The following EML6 variants were observed in gnomAD, a reference collection of about 807,000 sequenced individuals.
EML6 encodes the protein EMAP like 6.
Under a neutral mutation model 240.1 loss-of-function variants are expected in EML6, and 154 were observed. The observed-to-expected ratio is 0.64, with a 90% CI of 0.56 to 0.73. EML6 has a LOEUF of 0.73. EML6 is among the 30% of genes least tolerant of loss of function. The pLI is 0.00. For missense variants in EML6, 2,964 were observed against 2,474.6 expected (o/e 1.20, Z -4.20); for synonymous variants, 1,148 against 899.0 (o/e 1.28, Z -4.95).
intron 25 of EML6, among the ~76,000 whole-genome samples, chr2:54,914,997 T>G (rs1356754765): frequency 1.3e-5 from 2 of 152,188 alleles, no homozygotes; most frequent in African/African-American, 4.8e-5. Flanking sequence ...GTAACCTGTC[T>G]GTGGGCCTCA....
Position 54,794,907 on chromosome 2 carries a change from A to G in EML6, c.198-18325A>G, listed in dbSNP as rs779788738. On this transcript the variant is annotated intron_variant, in intron 2 of 41. Transcript: ENST00000356458. ...GCCCTCATCTGTATGATGGCAACTGAAGACTTTCAGGATATTGATTACCTT... is the reference window on the plus strand; with the variant it reads ...GCCCTCATCTGTATGATGGCAACTGGAGACTTTCAGGATATTGATTACCTT... Among the ~76,000 whole-genome samples the G allele has an allele frequency of 1.1e-3, 162 of 152,262 alleles. No homozygotes were observed. The Middle Eastern group carries it at 0.014, about 13-fold the overall frequency.
In EML6 at chr2:54,859,633, A is replaced by G; in HGVS notation, c.1757A>G (p.His586Arg). ...QWVLSTGGAD[H>R]SVFQWRFIPE... Reference sequence around the variant, plus strand: ...GTGTTGAGCACAGGAGGGGCTGATCACTCAGTTTTCCAGTGGAGGTTTATT... The same window carrying G: ...GTGTTGAGCACAGGAGGGGCTGATCGCTCAGTTTTCCAGTGGAGGTTTATT... The change falls in exon 12 of 42, where the codon CAC becomes CGC. Residue 586 changes from histidine (H) to arginine (R), a missense_variant. Transcript: ENST00000356458. The G allele has an allele frequency of 2.6e-6, 4 of 1,551,388 alleles. No individual in the cohort carries two copies. Among genetic ancestry groups the G allele is most frequent in the Non-Finnish European group, 3.5e-6 (4 of 1,146,890 alleles).
In EML6 at chr2:54,971,962, C is replaced by CAAAGT. The variant is rs1232194063; in HGVS notation, c.*1869_*1873dup. ...AAACATTGGTGCATGAATTTATTTT[C>CAAAGT]AAAGTATAAAACACATCACTTAAAC... On this transcript the variant is annotated 3_prime_UTR_variant, in exon 42 of 42. Coordinates refer to ENST00000356458, the MANE Select transcript of EML6 (RefSeq NM_001039753.4). 7 of 152,232 alleles carry CAAAGT rather than the reference C, an allele frequency of 4.6e-5. No homozygotes were observed. Among genetic ancestry groups the CAAAGT allele is most frequent in the Admixed American group, 2.0e-4 (3 of 15,278 alleles). 9.4% of individuals were successfully genotyped at this position (152,232 alleles called of 1,614,324 possible). A position where few individuals can be genotyped will look rare whatever the true frequency, so the allele number is the denominator to read the frequency against.
At chr2:54,900,796 G>A (rs1478057002) in intron 22 of EML6, among the ~76,000 whole-genome samples, 2 of 152,002 alleles carry the variant, frequency 1.3e-5, no homozygotes, top group Non-Finnish European at 2.9e-5. Flanking sequence ...GGGTGGACAA[G>A]GGCAAAAAGG....
intron 7 of EML6, 83 bp downstream of exon 7, chr2:54,829,560 C>A: frequency 8.8e-7 from 1 of 1,136,714 alleles, no homozygotes; most frequent in Non-Finnish European, 1.2e-6. Flanking sequence ...TTCTCTGTAC[C>A]CCATTTTAAA....
At chr2:54,760,655 A>T (rs1667937218) in intron 2 of EML6, among the ~76,000 whole-genome samples, 1 of 152,060 alleles carries the variant, frequency 6.6e-6, no homozygotes, top group Admixed American at 6.6e-5. Flanking sequence ...ATGTAATTTT[A>T]TCTGGGTTTT....
At chr2:54,875,324 GAA>G (rs1393034785) in intron 16 of EML6, among the ~76,000 whole-genome samples, 1 of 152,230 alleles carries the variant, frequency 6.6e-6, no homozygotes, top group African/African-American at 2.4e-5. Context: ...TAGAAATGTT[GAA>G]AGAGGAGACT....
chr2:54,910,869 C>G (rs1673602053), intron 24 of EML6, 85 bp from the exon 25 acceptor site: 2 of 655,860 alleles, frequency 3.0e-6, no homozygotes, highest in Admixed American at 5.4e-5. Context: ...TAAAATGAAT[C>G]AAAATAGCAC....
At chr2:54,901,154 C>T (rs994050192) in intron 22 of EML6, among the ~76,000 whole-genome samples, 10 of 152,266 alleles carry the variant, frequency 6.6e-5, no homozygotes, top group Admixed American at 5.9e-4. Flanking sequence ...TTATTATTGC[C>T]ACTTACAAAT....
At position 54,950,750 on chromosome 2, in the gene EML6, C is replaced by A. The variant is rs1675933112; in HGVS notation, c.4184C>A (p.Ala1395Glu). The A allele has an allele frequency of 6.4e-7, 1 of 1,551,560 alleles. No individual in the cohort carries two copies. The highest frequency in any genetic ancestry group is 8.7e-7 in the Non-Finnish European group (1 of 1,146,972). Reference sequence around the variant, plus strand: ...GCTGACATCATCTTCCACACAGCAGCGGCTGGCATCGTTCAGAACCTCTCC... The same window carrying A: ...GCTGACATCATCTTCCACACAGCAGAGGCTGGCATCGTTCAGAACCTCTCC... ...DGADIIFHTA[A>E]AGIVQNLSTG... The change falls in exon 30 of 42, where the codon GCG (alanine) becomes GAG (glutamate). Residue 1395 changes from alanine (A) to glutamate (E), a missense_variant. Coordinates refer to ENST00000356458, the MANE Select transcript of EML6 (RefSeq NM_001039753.4).
At chr2:54,852,288 A>G (rs1253477748) in intron 10 of EML6, among the ~76,000 whole-genome samples, 1 of 152,234 alleles carries the variant, frequency 6.6e-6, no homozygotes, top group Non-Finnish European at 1.5e-5. Flanking sequence ...ATGCTAAAAT[A>G]AATGTCACAA....
chr2:54,874,394 T>G (rs1245113699), intron 16 of EML6, among the ~76,000 whole-genome samples: 1 of 152,252 alleles, frequency 6.6e-6, no homozygotes, highest in Non-Finnish European at 1.5e-5. Flanking sequence ...GATTCCCATC[T>G]TGGGCACATA....
chr2:54,971,268 A>G lies in EML6; in HGVS notation c.*1173A>G, dbSNP rs1274675535. The G allele has an allele frequency of 2.0e-5, 3 of 152,240 alleles. No individual in the cohort carries two copies. Among genetic ancestry groups the G allele is most frequent in the Non-Finnish European group, 4.4e-5 (3 of 68,038 alleles). 9.4% of individuals were successfully genotyped at this position (152,240 alleles called of 1,614,324 possible). ...CTTGGAGTTGGTTGTATGACGGAAT[A>G]TGACTTGGACAATCTTTACCAGAAG... On this transcript the variant is annotated 3_prime_UTR_variant, in exon 42 of 42. Coordinates refer to ENST00000356458, the MANE Select transcript of EML6 (RefSeq NM_001039753.4).
At chr2:54,848,280 T>C (rs548990963) in intron 9 of EML6, among the ~76,000 whole-genome samples, 6 of 152,340 alleles carry the variant, frequency 3.9e-5, no homozygotes, top group African/African-American at 1.2e-4. Flanking sequence ...GACTCACATG[T>C]TTTGTAATTA....
Position 54,962,710 on chromosome 2 carries a change from A to C in EML6, c.5156A>C (p.Lys1719Thr). 1 of 1,477,214 alleles carries C rather than the reference A, an allele frequency of 6.8e-7. No individual in the cohort carries two copies. Among genetic ancestry groups the C allele is most frequent in the Non-Finnish European group, 9.0e-7 (1 of 1,110,226 alleles). The allele number at this position is 1,477,214 out of a possible 1,614,324, so 91.5% of individuals were successfully genotyped here. A position where few individuals can be genotyped will look rare whatever the true frequency, so the allele number is the denominator to read the frequency against. Residue 1719 changes from lysine to threonine, a missense_variant and splice_region_variant, in exon 36 of 42, where the codon AAG (lysine) becomes ACG (threonine). Physicochemically the swap from Lys to Thr is moderately conservative, Grantham distance 78. Transcript: ENST00000356458. ...GCCCGGATCTGGGACCTGGCTGACAAGGTGAGGCCGACTCTGCCCAAACTC... is the reference window on the plus strand; with the variant it reads ...GCCCGGATCTGGGACCTGGCTGACACGGTGAGGCCGACTCTGCCCAAACTC... The part of the protein sequence containing the change: ...GTARIWDLAD[K>T]KLLNKVSLGH...
At position 54,928,469 on chromosome 2, in the gene EML6, C is replaced by G. The variant is rs1210968328; in HGVS notation, c.3832C>G (p.Leu1278Val). The change falls in exon 27 of 42, where the codon CTG becomes GTG. Residue 1278 changes from leucine to valine, a missense_variant. By Grantham distance (32) the Leu-to-Val change is conservative. Transcript: ENST00000356458. ...REFVGTQESK[L>V]VDSEESDTDV... is the part of the protein sequence containing the mutation. ...GTTTGTGGGGACCCAGGAGAGCAAG[C>G]TGGTGGACAGCGAGGAGTCAGACAC... 69 of 1,549,126 alleles carry G rather than the reference C, an allele frequency of 4.5e-5. No individual in the cohort carries two copies. The highest frequency in any genetic ancestry group is 5.9e-5 in the Non-Finnish European group (68 of 1,145,464).
chr2:54,729,527 G>A (rs1351336160), intron 2 of EML6, among the ~76,000 whole-genome samples: 3 of 152,186 alleles, frequency 2.0e-5, no homozygotes, highest in African/African-American at 4.8e-5. Context: ...AGGCACTGTT[G>A]CTAACCCCAG....
At position 54,954,020 on chromosome 2, in the gene EML6, C is replaced by G; in HGVS notation, c.4350C>G (p.Thr1450=). 3 of 1,551,878 alleles carry G rather than the reference C, an allele frequency of 1.9e-6. No homozygotes were observed. The highest frequency in any genetic ancestry group is 2.6e-6 in the Non-Finnish European group (3 of 1,146,926). ...TPSIHIWDAM[T]KHTLSMLRCF... is the part of the protein sequence containing the mutation. ...CCATCCACATATGGGACGCCATGAC[C>G]AAACACACCCTCTCCATGCTGCGGT... Residue 1450 remains threonine (T), a synonymous_variant, in exon 32 of 42, where the codon ACC becomes ACG. Coordinates refer to ENST00000356458, the MANE Select transcript of EML6 (RefSeq NM_001039753.4).
At chr2:54,949,790 C>G (rs1032716980) in intron 29 of EML6, among the ~76,000 whole-genome samples, 9 of 152,354 alleles carry the variant, frequency 5.9e-5, no homozygotes, top group Admixed American at 2.0e-4. Context: ...GTGCAAATCT[C>G]TGGCCCCCCA....
Sources: allele counts gnomAD v4.1 joint callset (sites outside exome capture counted in the v4.1 genomes callset), GRCh38; gene constraint gnomAD v4.1.1; transcripts MANE v1.5; gene names NCBI Gene and HGNC (gene_info 2026-07-23, HGNC 2026-07-21).